Variants in NXNL2 observed in about 807,000 individuals in gnomAD.
NXNL2 encodes the protein nucleoredoxin like 2, also known as nucleoredoxin-like protein 2.
Under a neutral mutation model 11.1 loss-of-function variants are expected in NXNL2, and 7 were observed. That is an observed-to-expected ratio of 0.63 (90% CI 0.36 to 1.18). The LOEUF is 1.18. NXNL2 is among the 50% of genes most tolerant of loss of function. The pLI is 0.02. For missense variants in NXNL2, 233 were observed against 217.7 expected (o/e 1.07, Z -0.44); for synonymous variants, 109 against 101.8 (o/e 1.07, Z -0.42).
At chr9:88,547,411 G>A (rs1032159780), downstream of NXNL2, among the ~76,000 whole-genome samples, 9 of 152,040 alleles carry the variant, frequency 5.9e-5, no homozygotes, top group African/African-American at 1.4e-4. Flanking sequence ...GAGAACACAC[G>A]TATACACCAC....
intron 1 of NXNL2, among the ~76,000 whole-genome samples, chr9:88,567,173 C>T (rs1830188101): frequency 6.6e-6 from 1 of 152,050 alleles, no homozygotes; most frequent in African/African-American, 2.4e-5. Context: ...GAGTCTTGCT[C>T]TGTTGCCCAG....
chr9:88,562,140 A>G (rs1025509237), intron 1 of NXNL2, among the ~76,000 whole-genome samples: 1 of 152,242 alleles, frequency 6.6e-6, no homozygotes, highest in African/African-American at 2.4e-5. Context: ...ATAGAGATGA[A>G]TCTCAACAAT....
chr9:88,560,480 C>T (rs574691775), intron 1 of NXNL2, among the ~76,000 whole-genome samples: 8 of 152,114 alleles, frequency 5.3e-5, no homozygotes, highest in African/African-American at 1.7e-4. Flanking sequence ...GTGGATGCAG[C>T]ATCTAGAGTG....
intron 1 of NXNL2, among the ~76,000 whole-genome samples, chr9:88,562,224 G>C (rs1830093681): frequency 6.6e-6 from 1 of 152,114 alleles, no homozygotes; most frequent in Non-Finnish European, 1.5e-5. Context: ...TACAAAAGCA[G>C]AGAAAATTGA....
At chr9:88,542,033 A>G (rs909495823) in intron 1 of NXNL2, among the ~76,000 whole-genome samples, 1 of 151,888 alleles carries the variant, frequency 6.6e-6, no homozygotes, top group Non-Finnish European at 1.5e-5. Flanking sequence ...GATCGAGACC[A>G]TCCTGGCTAA....
chr9:88,544,382 G>A lies in NXNL2; in HGVS notation c.306G>A (p.Glu102=). Residue 102 remains glutamate, a synonymous_variant, in exon 2 of 2, where the codon GAG becomes GAA. Coordinates refer to ENST00000375854, the MANE Select transcript of NXNL2 (RefSeq NM_001161625.2). The part of the protein sequence containing the change: ...ALPFHDPYRH[E]LRKRYNVTAI... ...GTACCACTCTTCTGTCCTGCAGTGA[G>A]CTGAGGAAGAGGTACAACGTCACAG... The A allele has an allele frequency of 6.4e-7, 1 of 1,551,704 alleles. No individual in the cohort carries two copies. The highest frequency in any genetic ancestry group is 8.7e-7 in the Non-Finnish European group (1 of 1,146,854).
At chr9:88,559,245 C>A (rs977579308) in intron 1 of NXNL2, among the ~76,000 whole-genome samples, 1 of 152,098 alleles carries the variant, frequency 6.6e-6, no homozygotes, top group African/African-American at 2.4e-5. Flanking sequence ...CGGGAGGAGG[C>A]CTGCTCATGG....
chr9:88,572,521 C>T (rs866624528), intron 2 of NXNL2, among the ~76,000 whole-genome samples: 1 of 152,270 alleles, frequency 6.6e-6, no homozygotes, highest in Middle Eastern at 3.4e-3. Context: ...AATGACGGGC[C>T]TTTGGAGACG....
intron 1 of NXNL2, among the ~76,000 whole-genome samples, chr9:88,568,141 TC>T (rs1418431710): frequency 1.3e-5 from 2 of 152,148 alleles, no homozygotes; most frequent in Non-Finnish European, 2.9e-5. Context: ...TACACAGAAT[TC>T]CCTATAGCCC....
At chr9:88,552,760 C>T (rs974461957) in intron 1 of NXNL2, among the ~76,000 whole-genome samples, 21 of 152,254 alleles carry the variant, frequency 1.4e-4, no homozygotes, top group Admixed American at 1.0e-3. Flanking sequence ...TGAGCCACCG[C>T]GCCCGGTGAA....
downstream of NXNL2, among the ~76,000 whole-genome samples, chr9:88,549,663 C>G (rs987444216): frequency 6.6e-6 from 1 of 152,142 alleles, no homozygotes; most frequent in Non-Finnish European, 1.5e-5. Context: ...GCTATAGATA[C>G]CTGAGACTGG....
rs139340057 is a variant in NXNL2, at chr9:88,550,923, C to T, written c.302+15187C>T. ...TTCCTTGGCTATTGTGTGAGGCTCT[C>T]GTCACCTTCTTGTTTTCTAGGTTGC... On this transcript the variant is annotated intron_variant, in intron 1 of 2. Transcript: ENST00000375855. Among the ~76,000 whole-genome samples, 23 of 152,264 alleles carry T rather than the reference C, an allele frequency of 1.5e-4. 1 individual carries two copies. Among genetic ancestry groups the T allele is most frequent in the African/African-American group, 4.8e-4 (20 of 41,558 alleles).
Position 88,544,700 on chromosome 9 carries a change from G to A in NXNL2, c.*153G>A. The A allele has an allele frequency of 2.1e-6, 3 of 1,410,558 alleles. No individual in the cohort carries two copies. Among genetic ancestry groups the A allele is most frequent in the Non-Finnish European group, 2.8e-6 (3 of 1,084,632 alleles). 87.4% of individuals were successfully genotyped at this position (1,410,558 alleles called of 1,614,324 possible). A position where few individuals can be genotyped will look rare whatever the true frequency, so the allele number is the denominator to read the frequency against. On this transcript the variant is annotated 3_prime_UTR_variant, in exon 2 of 2. Transcript: ENST00000375854. ...AAGCTGTGGTCAAAAAGCAACTATT[G>A]CTCAGGAAATAATACACTCCATATT... is the stretch of plus-strand genomic sequence containing the variant.
intron 1 of NXNL2, among the ~76,000 whole-genome samples, chr9:88,568,521 C>G (rs1268470368): frequency 6.6e-6 from 1 of 152,238 alleles, no homozygotes; most frequent in Non-Finnish European, 1.5e-5. Flanking sequence ...GCCACAACCT[C>G]AAACTCTAAG....
At chr9:88,548,338 TC>T (rs1564069547), downstream of NXNL2, among the ~76,000 whole-genome samples, 1 of 42,138 alleles carries the variant, frequency 2.4e-5, no homozygotes, top group East Asian at 6.3e-4. Context: ...AGACTTTTTC[TC>T]AAAAAAAAAA....
intron 1 of NXNL2, among the ~76,000 whole-genome samples, chr9:88,583,593 A>ATGCTT (rs1433870535): frequency 6.6e-6 from 1 of 152,184 alleles, no homozygotes; most frequent in Non-Finnish European, 1.5e-5. Flanking sequence ...TGCTGCTCTG[A>ATGCTT]TGCTTTGGGA....
rs574227475 is a variant in NXNL2, at chr9:88,535,308, T to C, written c.-127T>C. 2.7e-4 allele frequency: 249 copies of C among 926,194 alleles called. 3 individuals are homozygous for C. In the South Asian group the frequency reaches 4.1e-3, roughly 15 times the overall value. The allele number at this position is 926,194 out of a possible 1,614,324, so 57.4% of individuals were successfully genotyped here. Reference sequence around the variant, plus strand: ...AAGGTGTGGGCGCATCTGGGGCAGGTCTTGAGAGGTCCAGCGCCCGGTGGT... The same window carrying C: ...AAGGTGTGGGCGCATCTGGGGCAGGCCTTGAGAGGTCCAGCGCCCGGTGGT... On this transcript the variant is annotated 5_prime_UTR_variant, in exon 1 of 2. Coordinates refer to ENST00000375854, the MANE Select transcript of NXNL2 (RefSeq NM_001161625.2).
chr9:88,544,482 C>CG lies in NXNL2; in HGVS notation c.411dup (p.Leu138ValfsTer81). 6.4e-7 allele frequency: 1 copy of CG among 1,551,474 alleles called. No homozygotes were observed. The highest frequency in any genetic ancestry group is 8.7e-7 in the Non-Finnish European group (1 of 1,146,846). On this transcript the variant is annotated frameshift_variant, in exon 2 of 2. Coordinates refer to ENST00000375854, the MANE Select transcript of NXNL2 (RefSeq NM_001161625.2). LOFTEE classifies it high-confidence loss of function. ...CAAAGGGCGGAAGCAGATCCGGGAA[C>CG]GGGGGTTGGCCTGCTTCCAGGACTG...
intron 1 of NXNL2, among the ~76,000 whole-genome samples, chr9:88,568,923 C>T (rs966071447): frequency 6.6e-6 from 1 of 151,314 alleles, no homozygotes; most frequent in Non-Finnish European, 1.5e-5. Flanking sequence ...TGTTTTACAT[C>T]TCTTGATGAA....
Sources: gnomAD v4.1 joint callset for allele counts (sites outside exome capture counted in the v4.1 genomes callset) on GRCh38, gnomAD v4.1.1 for gene constraint, MANE v1.5 for transcripts, NCBI Gene and HGNC (gene_info 2026-07-23, HGNC 2026-07-21) for gene names.